Variants in WDR91 observed in about 807,000 individuals in gnomAD.
The protein encoded by WDR91 is WD repeat-containing protein 91.
Under a neutral mutation model 88.4 loss-of-function variants are expected in WDR91, and 52 were observed. The observed-to-expected ratio is 0.59, with a 90% CI of 0.47 to 0.74. WDR91 has a LOEUF of 0.74. Among genes scored for constraint, WDR91 ranks in the 30% least tolerant of loss-of-function variants. The pLI is 0.00. For missense variants in WDR91, 824 were observed against 954.5 expected (o/e 0.86, Z 1.80); for synonymous variants, 362 against 389.5 (o/e 0.93, Z 0.83).
At chr7:135,206,207 GACTGGGAAA>G in intron 4 of WDR91, 149 bp from the exon 5 acceptor site, 2 of 1,014,464 alleles carry the variant, frequency 2.0e-6, no homozygotes, top group Non-Finnish European at 2.9e-6. Context: ...GCTCACTGCA[GACTGGGAAA>G]AGTGACTGCT....
chr7:135,211,327 T>C (rs977691934), intron 1 of WDR91, 53 bp downstream of exon 1: 1 of 1,565,730 alleles, frequency 6.4e-7, no homozygotes. Flanking sequence ...GGAAGCCCGC[T>C]CCCCGGCTCC....
At chr7:135,190,615 T>C (rs938052381) in intron 11 of WDR91, among the ~76,000 whole-genome samples, 1 of 151,148 alleles carries the variant, frequency 6.6e-6, no homozygotes, top group Admixed American at 6.6e-5. Flanking sequence ...TTCAACAAAA[T>C]AAAATAAGGA....
chr7:135,205,635 T>C (rs1205669625), intron 5 of WDR91, among the ~76,000 whole-genome samples: 2 of 152,168 alleles, frequency 1.3e-5, no homozygotes, highest in Non-Finnish European at 2.9e-5. Context: ...TGGCATGCAC[T>C]TGTAATCCCA....
chr7:135,191,604 C>CAAAAA (rs10717249), intron 11 of WDR91, among the ~76,000 whole-genome samples: 15 of 82,788 alleles, frequency 1.8e-4, no homozygotes, highest in African/African-American at 3.5e-4. Context: ...GACTCCATCT[C>CAAAAA]AAAAAAAAAA....
intron 6 of WDR91, among the ~76,000 whole-genome samples, chr7:135,202,613 C>T (rs1437630236): frequency 6.6e-6 from 1 of 152,210 alleles, no homozygotes; most frequent in Non-Finnish European, 1.5e-5. Context: ...TAGAGTAGGG[C>T]CACAGCTTAC....
intron 9 of WDR91, among the ~76,000 whole-genome samples, 192 bp downstream of exon 9, chr7:135,194,742 C>T (rs1238787005): frequency 1.3e-5 from 2 of 152,216 alleles, no homozygotes; most frequent in Non-Finnish European, 2.9e-5. Flanking sequence ...TTCCATCTGT[C>T]AATCTGGTAA....
chr7:135,197,837 A>G, intron 7 of WDR91, 156 bp downstream of exon 7: 1 of 887,096 alleles, frequency 1.1e-6, no homozygotes. Context: ...GCAAATGATG[A>G]ACCCAAATAA....
At chr7:135,197,927 G>T in intron 7 of WDR91, 66 bp downstream of exon 7, 1 of 1,547,802 alleles carries the variant, frequency 6.5e-7, no homozygotes, top group Non-Finnish European at 8.8e-7. Flanking sequence ...GAGAAGAGAA[G>T]ACCCCCCACA....
chr7:135,193,503 T>G lies in WDR91; in HGVS notation c.1490+75A>C, dbSNP rs1031509391. ...CTGCACAGGAGATGGGGCATTAGGC[T>G]TGGGAAAGGACCAGCCCCGCGGACC... On this transcript the variant is annotated intron_variant, in intron 10 of 14. Transcript: ENST00000354475. 9 of 1,610,996 alleles carry G rather than the reference T, an allele frequency of 5.6e-6. No homozygotes were observed. In the East Asian group the frequency reaches 1.8e-4, roughly 32 times the overall value.
intron 11 of WDR91, among the ~76,000 whole-genome samples, chr7:135,192,918 C>T (rs1312084316): frequency 6.6e-6 from 1 of 152,140 alleles, no homozygotes; most frequent in African/African-American, 2.4e-5. Context: ...CTTGCTACTG[C>T]TGGCTGCTGC....
At chr7:135,187,937 C>A (rs1005307947) in intron 13 of WDR91, among the ~76,000 whole-genome samples, 1 of 152,248 alleles carries the variant, frequency 6.6e-6, no homozygotes, top group African/African-American at 2.4e-5. Context: ...CCCATCTCTG[C>A]CCCTGCCAGC....
intron 5 of WDR91, 37 bp downstream of exon 5, chr7:135,205,891 G>A (rs753084736): frequency 9.3e-6 from 15 of 1,611,666 alleles, no homozygotes; most frequent in African/African-American, 1.3e-5. Context: ...AGAGCACAGA[G>A]GGCAAAGAAA....
chr7:135,193,711 G>C, intron 9 of WDR91, 39 bp from the exon 10 acceptor site: 1 of 1,579,638 alleles, frequency 6.3e-7, no homozygotes, highest in Non-Finnish European at 8.7e-7. Context: ...AGGATAGCAT[G>C]GAGTGAGGCT....
chr7:135,188,382 G>A (rs765237419), intron 13 of WDR91, 51 bp downstream of exon 13: 100 of 1,523,734 alleles, frequency 6.6e-5, no homozygotes, highest in Non-Finnish European at 8.3e-5. Flanking sequence ...ACCTGCAGCC[G>A]GCCCACATGT....
intron 11 of WDR91, among the ~76,000 whole-genome samples, chr7:135,192,538 G>T (rs1355176940): frequency 6.6e-6 from 1 of 152,092 alleles, no homozygotes; most frequent in Non-Finnish European, 1.5e-5. Context: ...GGCCTGAGAG[G>T]TCTGACAGAC....
intron 10 of WDR91, 46 bp from the exon 11 acceptor site, chr7:135,193,445 A>AG (rs759659563): frequency 6.2e-7 from 1 of 1,610,960 alleles, no homozygotes; most frequent in Non-Finnish European, 8.5e-7. Context: ...CTGCCCACAG[A>AG]GGGAGGGTGC....
chr7:135,209,629 TTG>T lies in WDR91; in HGVS notation c.248_249del (p.Thr83AsnfsTer23). ...FSRLEDIYRPTIHKLKTSLFR... is the reference protein window; with the variant it reads ...FSRLEDIYRPXIHKLKTSLFR... ...AACAGGCTGGTTTTCAGCTTGTGGA[TTG>T]TGGGTCTGTATATATCCTCCAAGCG... On this transcript the variant is annotated frameshift_variant, in exon 2 of 15. Coordinates refer to ENST00000354475, the MANE Select transcript of WDR91 (RefSeq NM_014149.4). LOFTEE classifies it high-confidence loss of function. 2 of 1,610,934 alleles carry T rather than the reference TTG, an allele frequency of 1.2e-6. No homozygotes were observed. Among genetic ancestry groups the T allele is most frequent in the Non-Finnish European group, 1.7e-6 (2 of 1,178,536 alleles).
chr7:135,207,640 C>T (rs1006181368), intron 3 of WDR91, among the ~76,000 whole-genome samples: 9 of 152,202 alleles, frequency 5.9e-5, no homozygotes, highest in African/African-American at 1.4e-4. Context: ...CAGTTGGCTT[C>T]GCCTCCCCAG....
chr7:135,206,444 C>T (rs746557907), intron 4 of WDR91, among the ~76,000 whole-genome samples: 4 of 151,400 alleles, frequency 2.6e-5, no homozygotes, highest in African/African-American at 4.9e-5. Flanking sequence ...TGAACTACAG[C>T]GTTTTTAACC....
Sources: allele counts gnomAD v4.1 joint callset (sites outside exome capture counted in the v4.1 genomes callset), GRCh38; gene constraint gnomAD v4.1.1; transcripts MANE v1.5; gene names NCBI Gene and HGNC (gene_info 2026-07-23, HGNC 2026-07-21).